CEACAM7: variants seen among roughly 807,000 people sequenced by gnomAD.
CEACAM7 encodes CEA cell adhesion molecule 7.
Under a neutral mutation model 25.7 loss-of-function variants are expected in CEACAM7, and 24 were observed. That is an observed-to-expected ratio of 0.93 (90% CI 0.68 to 1.31). The LOEUF (loss-of-function observed/expected upper bound fraction) is 1.31, where lower values mean the gene tolerates loss of function less well. Ranked by LOEUF, CEACAM7 falls within the 40% of genes most tolerant of loss-of-function variation. The pLI is 0.00. For synonymous variants in CEACAM7, 144 were observed against 129.4 expected (o/e 1.11, Z -0.77); for missense variants, 324 against 330.1 (o/e 0.98, Z 0.14).
At position 41,677,370 on chromosome 19, in the gene CEACAM7, A is replaced by C; in HGVS notation, c.*36+6T>G. ...ATAGGATAAGAGGAAAGGTCATAAT[A>C]CCTACCACTCTTCCCGAAATGCAGA... On this transcript the variant is annotated splice_donor_region_variant and intron_variant, in intron 4 of 4. Transcript: ENST00000401731. 1 of 1,443,944 alleles carries C rather than the reference A, an allele frequency of 6.9e-7. No individual in the cohort carries two copies. The highest frequency in any genetic ancestry group is 9.8e-7 in the Non-Finnish European group (1 of 1,025,038). 89.4% of individuals were successfully genotyped at this position (1,443,944 alleles called of 1,614,324 possible).
chr19:41,682,478 G>A (rs1015506692), intron 3 of CEACAM7, among the ~76,000 whole-genome samples: 1 of 152,176 alleles, frequency 6.6e-6, no homozygotes, highest in Non-Finnish European at 1.5e-5. Flanking sequence ...TCAGAGCCAG[G>A]CCACAGTTCA....
At chr19:41,679,804 T>C in intron 3 of CEACAM7, among the ~76,000 whole-genome samples, 1 of 145,078 alleles carries the variant, frequency 6.9e-6, no homozygotes, top group Admixed American at 6.9e-5. Flanking sequence ...TCTCTCTCTT[T>C]TTTTTTTTTT....
chr19:41,678,896 A>G (rs77429843), intron 3 of CEACAM7, among the ~76,000 whole-genome samples: 5 of 152,388 alleles, frequency 3.3e-5, no homozygotes, highest in East Asian at 3.8e-4. Flanking sequence ...CTTGTGCAAG[A>G]AATGTATAAC....
In CEACAM7 at chr19:41,686,970, C is replaced by T. The variant is rs1289540500; in HGVS notation, c.316G>A (p.Gly106Arg). 1.9e-6 allele frequency: 3 copies of T among 1,611,688 alleles called. No individual in the cohort carries two copies. The highest frequency in any genetic ancestry group is 2.5e-6 in the Non-Finnish European group (3 of 1,178,940). ...GTGACGTTCTGGATCAGCAGGGTTC[C>T]ATTGGGGTATATTGTCTCTCGACCG... ...HNGRETIYPN[G>R]TLLIQNVTHN... Residue 106 changes from glycine to arginine, a missense_variant, in exon 2 of 5, where the codon GGA becomes AGA. Coordinates refer to ENST00000401731, the MANE Select transcript of CEACAM7 (RefSeq NM_001291485.2).
chr19:41,684,197 A>G, intron 2 of CEACAM7, 134 bp from the exon 3 acceptor site: 1 of 892,204 alleles, frequency 1.1e-6, no homozygotes, highest in Non-Finnish European at 1.7e-6. Context: ...AGGTGTGTGT[A>G]TCACAAGACA....
rs1600437618 is a variant in CEACAM7, at chr19:41,686,967, T to A, written c.319A>T (p.Thr107Ser). 6.2e-7 allele frequency: 1 copy of A among 1,611,382 alleles called. No homozygotes were observed. The highest frequency in any genetic ancestry group is 1.7e-4 in the Middle Eastern group (1 of 6,036). Residue 107 changes from threonine (T) to serine (S), a missense_variant, in exon 2 of 5, where the codon ACC becomes TCC. Thr to Ser is a moderately conservative substitution (Grantham distance 58, BLOSUM62 1). Transcript: ENST00000401731. ...TGGGTGACGTTCTGGATCAGCAGGGTTCCATTGGGGTATATTGTCTCTCGA... is the reference window on the plus strand; with the variant it reads ...TGGGTGACGTTCTGGATCAGCAGGGATCCATTGGGGTATATTGTCTCTCGA... ...NGRETIYPNG[T>S]LLIQNVTHND...
intron 2 of CEACAM7, among the ~76,000 whole-genome samples, chr19:41,685,990 G>A (rs544401790): frequency 7.2e-5 from 11 of 152,194 alleles, no homozygotes; most frequent in East Asian, 3.9e-4. Context: ...GAGATAAAGC[G>A]TAAATGGTCT....
chr19:41,686,166 ACTTT>A (rs1217416374), intron 2 of CEACAM7, among the ~76,000 whole-genome samples: 5 of 152,042 alleles, frequency 3.3e-5, no homozygotes, highest in Non-Finnish European at 5.9e-5. Flanking sequence ...TACAGCAGAA[ACTTT>A]CTTCTTCTTT....
chr19:41,677,460 G>T lies in CEACAM7; in HGVS notation c.750C>A (p.Thr250=). The T allele has an allele frequency of 6.2e-7, 1 of 1,614,008 alleles. No homozygotes were observed. The highest frequency in any genetic ancestry group is 8.5e-7 in the Non-Finnish European group (1 of 1,179,904). The change falls in exon 4 of 5, where the codon ACC becomes ACA. Residue 250 remains threonine (T), a synonymous_variant. Coordinates refer to ENST00000401731, the MANE Select transcript of CEACAM7 (RefSeq NM_001291485.2). ...GTACTCCAATCATGATGCTGACAGC[G>T]GTCCCAGCTGAGAGGTCAGGTGAAC... The part of the protein sequence containing the change: ...QASSPDLSAG[T]AVSIMIGVLA...
rs141725901 is a variant in CEACAM7, at chr19:41,676,130, A to G, written c.*36+1246T>C. 2.0e-4 allele frequency among the ~76,000 whole-genome samples: 30 copies of G among 152,342 alleles called. No individual in the cohort carries two copies. The East Asian group carries it at 4.4e-3, about 22-fold the overall frequency. On this transcript the variant is annotated intron_variant, in intron 4 of 4. Transcript: ENST00000401731. ...GATTTAAGCCCAAGTCCTGCTTATC[A>G]GAGCAGGGGTTCTGCATCCTGCTTG... is the stretch of plus-strand genomic sequence containing the variant.
At chr19:41,679,954 A>G (rs1291198036) in intron 3 of CEACAM7, among the ~76,000 whole-genome samples, 1 of 136,942 alleles carries the variant, frequency 7.3e-6, no homozygotes, top group African/African-American at 2.8e-5. Flanking sequence ...GGCGTGTGCC[A>G]CCACACCTGG....
At chr19:41,675,059 A>G (rs1555809993) in intron 4 of CEACAM7, among the ~76,000 whole-genome samples, 1 of 152,214 alleles carries the variant, frequency 6.6e-6, no homozygotes, top group Admixed American at 6.5e-5. Context: ...ACCAAGGCTG[A>G]CTTCAGACTT....
intron 2 of CEACAM7, among the ~76,000 whole-genome samples, chr19:41,684,715 G>A (rs2072210217): frequency 6.6e-6 from 1 of 152,144 alleles, no homozygotes; most frequent in African/African-American, 2.4e-5. Context: ...AGCAGGGGCT[G>A]GCTGAAAATC....
chr19:41,682,619 A>G (rs1192298994), intron 3 of CEACAM7, among the ~76,000 whole-genome samples: 2 of 152,180 alleles, frequency 1.3e-5, no homozygotes, highest in African/African-American at 4.8e-5. Context: ...CCACACACCC[A>G]GGTCCCACCC....
At chr19:41,685,621 G>A (rs143000842) in intron 2 of CEACAM7, among the ~76,000 whole-genome samples, 3 of 152,266 alleles carry the variant, frequency 2.0e-5, no homozygotes, top group East Asian at 1.9e-4. Context: ...CATGTGCAGG[G>A]TGTGAGTGGG....
chr19:41,681,543 G>A (rs576297197), intron 3 of CEACAM7, among the ~76,000 whole-genome samples: 5 of 152,186 alleles, frequency 3.3e-5, no homozygotes, highest in East Asian at 3.9e-4. Context: ...TCCACCGAAC[G>A]ATAAGTCAAG....
chr19:41,687,946 T>C (rs985106985), intron 1 of CEACAM7, among the ~76,000 whole-genome samples, 156 bp downstream of exon 1: 1 of 152,184 alleles, frequency 6.6e-6, no homozygotes, highest in Admixed American at 6.5e-5. Flanking sequence ...CCAATGTGAT[T>C]TTCCTGTTCT....
rs782647690 is a variant in CEACAM7, at chr19:41,683,865, T to G, written c.626A>C (p.Asn209Thr). ...TTCACATTCATAGGGTCCTATGTCA[T>G]TCTTTGTGGCGCTGAGTAGAACGAG... ...RTLVLLSATK[N>T]DIGPYECEIQ... The change falls in exon 3 of 5, where the codon AAT (asparagine) becomes ACT (threonine). Residue 209 changes from asparagine to threonine, a missense_variant. Physicochemically the swap from Asn to Thr is moderately conservative, Grantham distance 65. Coordinates refer to ENST00000401731, the MANE Select transcript of CEACAM7 (RefSeq NM_001291485.2). The G allele has an allele frequency of 3.7e-6, 6 of 1,614,086 alleles. No individual in the cohort carries two copies. The African/African-American group carries it at 6.7e-5, about 18-fold the overall frequency.
rs1479533496 is a variant in CEACAM7 at position 41,677,516 on chromosome 19, GAA to G, written c.707-15_707-14del. On this transcript the variant is annotated splice_polypyrimidine_tract_variant and intron_variant, in intron 3 of 4. Coordinates refer to ENST00000401731, the MANE Select transcript of CEACAM7 (RefSeq NM_001291485.2). ...TGTACTGACTCATCTGCCATGGAAAGAAAAGAGAAGGAATGAAGTTGATCTTA... is the reference window on the plus strand; with the variant it reads ...TGTACTGACTCATCTGCCATGGAAAGAAGAGAAGGAATGAAGTTGATCTTA... 1 of 1,596,334 alleles carries G rather than the reference GAA, an allele frequency of 6.3e-7. No homozygotes were observed. The highest frequency in any genetic ancestry group is 8.6e-7 in the Non-Finnish European group (1 of 1,164,734).
Sources: gnomAD v4.1 joint callset for allele counts (sites outside exome capture counted in the v4.1 genomes callset) on GRCh38, gnomAD v4.1.1 for gene constraint, MANE v1.5 for transcripts, NCBI Gene and HGNC (gene_info 2026-07-23, HGNC 2026-07-21) for gene names.